Variants in ITFG1 observed in about 807,000 individuals in gnomAD.
ITFG1 encodes T-cell immunomodulatory protein.
Under a neutral mutation model 81.8 loss-of-function variants are expected in ITFG1, and 34 were observed. The observed-to-expected ratio is 0.42, with a 90% CI of 0.32 to 0.55. ITFG1 has a LOEUF of 0.55. Among genes scored for constraint, ITFG1 ranks in the 20% least tolerant of loss-of-function variants. The pLI, the probability that ITFG1 is intolerant of heterozygous loss-of-function variation, is 0.17. For missense variants in ITFG1, 672 were observed against 755.4 expected (o/e 0.89, Z 1.29); for synonymous variants, 285 against 270.6 (o/e 1.05, Z -0.52).
chr16:47,163,821 T>C (rs950147282), intron 14 of ITFG1, among the ~76,000 whole-genome samples: 4 of 151,984 alleles, frequency 2.6e-5, no homozygotes, highest in African/African-American at 9.7e-5. Flanking sequence ...GGTTGTGAAG[T>C]GGTATCTCAT....
At chr16:47,197,268 C>A (rs1010010762) in intron 14 of ITFG1, among the ~76,000 whole-genome samples, 5 of 152,104 alleles carry the variant, frequency 3.3e-5, no homozygotes, top group African/African-American at 1.2e-4. Flanking sequence ...CTTCTAGTTT[C>A]GGAAACCTGC....
rs1025003429 is a variant in ITFG1, at chr16:47,216,500, G to A, written c.1453+2368C>T. Reference sequence around the variant, plus strand: ...ACAGGCATGGGCCACTGCACCCAGCGCATCTTTTTTAAACAATGAAAAAGA... The same window carrying A: ...ACAGGCATGGGCCACTGCACCCAGCACATCTTTTTTAAACAATGAAAAAGA... On this transcript the variant is annotated intron_variant, in intron 14 of 17. Coordinates refer to ENST00000320640, the MANE Select transcript of ITFG1 (RefSeq NM_030790.5). 7.2e-5 allele frequency among the ~76,000 whole-genome samples: 11 copies of A among 151,764 alleles called. No homozygotes were observed. In the East Asian group the frequency reaches 7.8e-4, roughly 11 times the overall value.
chr16:47,305,369 AC>A, intron 10 of ITFG1, among the ~76,000 whole-genome samples: 1 of 152,140 alleles, frequency 6.6e-6, no homozygotes, highest in Non-Finnish European at 1.5e-5. Flanking sequence ...ATTGAGCTGA[AC>A]AAAGACATTT....
At chr16:47,248,122 AT>A (rs1966024206) in intron 12 of ITFG1, among the ~76,000 whole-genome samples, 1 of 152,240 alleles carries the variant, frequency 6.6e-6, no homozygotes, top group South Asian at 2.1e-4. Context: ...CAGAAGGCAC[AT>A]GATAAACAAT....
At chr16:47,176,957 T>A (rs976950412) in intron 14 of ITFG1, among the ~76,000 whole-genome samples, 2 of 150,986 alleles carry the variant, frequency 1.3e-5, no homozygotes, top group Non-Finnish European at 3.0e-5. Flanking sequence ...CTTCTTCTTT[T>A]TTTTTTTTTT....
chr16:47,192,287 C>A lies in ITFG1; in HGVS notation c.1453+26581G>T, dbSNP rs531885648. On this transcript the variant is annotated intron_variant, in intron 14 of 17. Coordinates refer to ENST00000320640, the MANE Select transcript of ITFG1 (RefSeq NM_030790.5). ...AGTCATTTAGTGTGAGGTTATCTAG[C>A]TATGAGTTAGGCTGCCTTTGCTGGT... Among the ~76,000 whole-genome samples, 11 of 152,286 alleles carry A rather than the reference C, an allele frequency of 7.2e-5. No homozygotes were observed. In the East Asian group the frequency reaches 2.1e-3, roughly 29 times the overall value.
chr16:47,198,286 A>G (rs1181142769), intron 14 of ITFG1, among the ~76,000 whole-genome samples: 1 of 152,220 alleles, frequency 6.6e-6, no homozygotes, highest in Non-Finnish European at 1.5e-5. Context: ...TCAGTCAACA[A>G]TGGACCACAT....
chr16:47,326,636 C>A (rs542534220), intron 8 of ITFG1, among the ~76,000 whole-genome samples: 1 of 152,124 alleles, frequency 6.6e-6, no homozygotes, highest in Non-Finnish European at 1.5e-5. Flanking sequence ...TCTCAGGATA[C>A]AAAATCAATG....
chr16:47,289,217 A>G (rs923741838), intron 10 of ITFG1, among the ~76,000 whole-genome samples: 2 of 152,152 alleles, frequency 1.3e-5, no homozygotes, highest in African/African-American at 4.8e-5. Context: ...GAACATGGTA[A>G]ATGCTCTTTC....
At chr16:47,409,740 G>T (rs1968786592) in intron 6 of ITFG1, among the ~76,000 whole-genome samples, 1 of 151,308 alleles carries the variant, frequency 6.6e-6, no homozygotes, top group Admixed American at 6.6e-5. Flanking sequence ...TTTAAAACTT[G>T]TTTTAAAAAA....
At chr16:47,337,335 G>C (rs1967719874) in intron 8 of ITFG1, among the ~76,000 whole-genome samples, 1 of 152,002 alleles carries the variant, frequency 6.6e-6, no homozygotes. Context: ...ACTTTGGGAG[G>C]CCGAGGCAGG....
chr16:47,212,030 G>A (rs1275110150), intron 14 of ITFG1, among the ~76,000 whole-genome samples: 1 of 151,584 alleles, frequency 6.6e-6, no homozygotes, highest in Non-Finnish European at 1.5e-5. Context: ...CAAAGTGCTG[G>A]GATTGCAGGC....
intron 14 of ITFG1, among the ~76,000 whole-genome samples, chr16:47,180,445 CTG>C (rs2151513135): frequency 6.6e-6 from 1 of 151,416 alleles, no homozygotes; most frequent in Admixed American, 6.6e-5. Flanking sequence ...CAAAGCTGGA[CTG>C]TACTGCTGCC....
chr16:47,219,856 C>T lies in ITFG1; in HGVS notation c.1375-910G>A, dbSNP rs971811194. ...CCAATGGCTATGAGAAAATAGGTTG[C>T]TATAAGGATGGAATTACTCATAAGA... On this transcript the variant is annotated intron_variant, in intron 13 of 17. Transcript: ENST00000320640. Among the ~76,000 whole-genome samples the T allele has an allele frequency of 3.9e-5, 6 of 151,932 alleles. No individual in the cohort carries two copies. In the South Asian group the frequency reaches 1.0e-3, roughly 26 times the overall value.
chr16:47,253,741 T>G (rs544604393), intron 12 of ITFG1, among the ~76,000 whole-genome samples: 1 of 152,136 alleles, frequency 6.6e-6, no homozygotes, highest in Non-Finnish European at 1.5e-5. Flanking sequence ...ATGCTACTGC[T>G]GCTCTGACAG....
At chr16:47,314,213 G>C (rs1206005987) in intron 8 of ITFG1, among the ~76,000 whole-genome samples, 1 of 152,104 alleles carries the variant, frequency 6.6e-6, no homozygotes, top group Non-Finnish European at 1.5e-5. Flanking sequence ...AATGTATAGT[G>C]TTGGTAAGAG....
intron 8 of ITFG1, among the ~76,000 whole-genome samples, chr16:47,344,430 C>A (rs966546262): frequency 1.3e-5 from 2 of 152,072 alleles, no homozygotes; most frequent in African/African-American, 4.8e-5. Flanking sequence ...ACAACTGTCT[C>A]ATAGTTTATT....
chr16:47,419,939 T>C (rs1968923305), intron 6 of ITFG1, among the ~76,000 whole-genome samples: 2 of 151,656 alleles, frequency 1.3e-5, no homozygotes, highest in African/African-American at 4.8e-5. Context: ...TTTCACCTTT[T>C]TTTCTTTATC....
At chr16:47,419,599 G>GT (rs1567493655) in intron 6 of ITFG1, among the ~76,000 whole-genome samples, 25 of 140,182 alleles carry the variant, frequency 1.8e-4, no homozygotes, top group African/African-American at 6.4e-4. Context: ...CTTACTTCAG[G>GT]TCTTTTTTTT....
Sources: gnomAD v4.1 joint callset for allele counts (sites outside exome capture counted in the v4.1 genomes callset) on GRCh38, gnomAD v4.1.1 for gene constraint, MANE v1.5 for transcripts, NCBI Gene and HGNC (gene_info 2026-07-23, HGNC 2026-07-21) for gene names.